CFAP206: variants seen among roughly 807,000 people sequenced by gnomAD.
CFAP206 encodes cilia and flagella associated protein 206.
In CFAP206, 53 loss-of-function variants were observed where a neutral mutation model predicts 65.4. The ratio of observed to expected loss-of-function variants is 0.81; its 90% CI spans 0.65 to 1.02. CFAP206 has a LOEUF of 1.02. Among genes scored for constraint, CFAP206 ranks in the 50% least tolerant of loss-of-function variants. The probability of loss-of-function intolerance (pLI) is 0.00; values close to 1 mark genes in which losing one functional copy is unlikely to be tolerated. For missense variants in CFAP206, 663 were observed against 753.2 expected (o/e 0.88, Z 1.40); for synonymous variants, 250 against 254.4 (o/e 0.98, Z 0.17).
At chr6:87,423,521 T>A (rs539303092) in intron 7 of CFAP206, among the ~76,000 whole-genome samples, 16 of 152,360 alleles carry the variant, frequency 1.1e-4, no homozygotes, top group African/African-American at 3.8e-4. Flanking sequence ...AGTGCTGGGA[T>A]TACAGGCGTG....
At chr6:87,417,897 G>C (rs1489500411) in intron 6 of CFAP206, among the ~76,000 whole-genome samples, 1 of 151,494 alleles carries the variant, frequency 6.6e-6, no homozygotes, top group Non-Finnish European at 1.5e-5. Flanking sequence ...GCGCCACCAC[G>C]CTCAGCTAAT....
At chr6:87,459,645 A>C (rs1440814596) in intron 11 of CFAP206, among the ~76,000 whole-genome samples, 1 of 152,186 alleles carries the variant, frequency 6.6e-6, no homozygotes, top group Non-Finnish European at 1.5e-5. Context: ...ATTTTTCCAC[A>C]TGGGGAAAGG....
intron 11 of CFAP206, among the ~76,000 whole-genome samples, chr6:87,439,039 C>A (rs1412980366): frequency 1.3e-5 from 2 of 152,100 alleles, no homozygotes; most frequent in Non-Finnish European, 2.9e-5. Flanking sequence ...GATAAGGAAG[C>A]TCTCTTCTTT....
chr6:87,431,013 C>T lies in CFAP206; in HGVS notation c.1160-20C>T. ...ACCTTCTCACTGAATTAAAGCTTTT[C>T]TTCTTCTCCTTCATTTTAGAAGATA... is the stretch of plus-strand genomic sequence containing the variant. On this transcript the variant is annotated intron_variant, in intron 9 of 12. Transcript: ENST00000369562. The T allele has an allele frequency of 1.2e-6, 2 of 1,609,410 alleles. No individual in the cohort carries two copies. Among genetic ancestry groups the T allele is most frequent in the Non-Finnish European group, 1.7e-6 (2 of 1,177,466 alleles).
At chr6:87,449,440 A>C (rs867635314) in intron 11 of CFAP206, among the ~76,000 whole-genome samples, 5,750 of 147,174 alleles carry the variant, frequency 0.039, 23 homozygotes, top group African/African-American at 0.063. Context: ...CCATCTCAAA[A>C]AAAAAAAAAA....
intron 11 of CFAP206, among the ~76,000 whole-genome samples, chr6:87,456,171 G>A (rs1008527865): frequency 3.3e-5 from 5 of 152,202 alleles, no homozygotes; most frequent in African/African-American, 1.2e-4. Context: ...GACCAAGTGG[G>A]ATTCATCCCA....
intron 11 of CFAP206, among the ~76,000 whole-genome samples, chr6:87,457,446 A>T (rs564963088): frequency 1.2e-4 from 19 of 152,352 alleles, no homozygotes; most frequent in African/African-American, 4.6e-4. Flanking sequence ...GCAAAATAGC[A>T]TGGTACTGGC....
At chr6:87,440,844 C>T (rs1033694658) in intron 11 of CFAP206, among the ~76,000 whole-genome samples, 14 of 152,072 alleles carry the variant, frequency 9.2e-5, no homozygotes, top group African/African-American at 2.9e-4. Context: ...TTACACTATG[C>T]GTAAACCAAG....
chr6:87,453,718 G>T (rs1057066041), intron 11 of CFAP206, among the ~76,000 whole-genome samples: 1 of 151,796 alleles, frequency 6.6e-6, no homozygotes, highest in Admixed American at 6.6e-5. Context: ...TGGTAACCTC[G>T]AATTTAAAAA....
At chr6:87,454,018 CAT>C (rs1402855446) in intron 11 of CFAP206, among the ~76,000 whole-genome samples, 2 of 151,944 alleles carry the variant, frequency 1.3e-5, no homozygotes, top group African/African-American at 2.4e-5. Flanking sequence ...TAAAGACAAA[CAT>C]AGACTGAAAA....
intron 10 of CFAP206, among the ~76,000 whole-genome samples, chr6:87,433,712 T>C (rs1219341287): frequency 6.6e-6 from 1 of 151,240 alleles, no homozygotes; most frequent in Non-Finnish European, 1.5e-5. Context: ...AAAATATAAT[T>C]AGTATGTATT....
At chr6:87,413,658 G>A in intron 3 of CFAP206, 152 bp from the exon 4 acceptor site, 1 of 551,350 alleles carries the variant, frequency 1.8e-6, no homozygotes, top group Non-Finnish European at 3.1e-6. Flanking sequence ...AAAGCCTGAA[G>A]TCCTCAAGGA....
At chr6:87,421,973 A>G (rs1021126314) in intron 7 of CFAP206, among the ~76,000 whole-genome samples, 4 of 152,150 alleles carry the variant, frequency 2.6e-5, no homozygotes, top group African/African-American at 9.7e-5. Context: ...GTTTGACTAG[A>G]CTTGTTGAAA....
At chr6:87,424,211 T>C (rs985832139) in intron 7 of CFAP206, among the ~76,000 whole-genome samples, 1 of 152,212 alleles carries the variant, frequency 6.6e-6, no homozygotes, top group African/African-American at 2.4e-5. Context: ...TTCTCATTTG[T>C]ACTTATCCCT....
chr6:87,426,225 C>T (rs58735049), intron 7 of CFAP206: 5,918 of 159,108 alleles, frequency 0.037, 136 homozygotes, highest in Middle Eastern at 0.072. Flanking sequence ...TATACAAAAA[C>T]GGATTCTTGA....
intron 12 of CFAP206, among the ~76,000 whole-genome samples, chr6:87,463,707 C>T (rs995712265): frequency 3.9e-5 from 6 of 151,970 alleles, no homozygotes; most frequent in Admixed American, 1.3e-4. Flanking sequence ...TTATATGAAT[C>T]TCAAAGTATA....
At chr6:87,409,977 T>C in intron 2 of CFAP206, 30 bp downstream of exon 2, 1 of 1,452,922 alleles carries the variant, frequency 6.9e-7, no homozygotes, top group South Asian at 1.2e-5. Context: ...TGATTACTGT[T>C]TTATTAAGAG....
intron 7 of CFAP206, 75 bp from the exon 8 acceptor site, chr6:87,426,451 G>C: frequency 8.9e-7 from 1 of 1,124,004 alleles, no homozygotes. Flanking sequence ...GTGGGGAGCA[G>C]GTATGGTCTG....
chr6:87,442,603 G>A (rs1768377414), intron 11 of CFAP206, among the ~76,000 whole-genome samples: 1 of 152,126 alleles, frequency 6.6e-6, no homozygotes, highest in African/African-American at 2.4e-5. Context: ...CATAATTGCA[G>A]TGTTCATTGT....
Sources: gnomAD v4.1 joint callset for allele counts (sites outside exome capture counted in the v4.1 genomes callset) on GRCh38, gnomAD v4.1.1 for gene constraint, MANE v1.5 for transcripts, NCBI Gene and HGNC (gene_info 2026-07-23, HGNC 2026-07-21) for gene names.